KCNJ12: variants seen among roughly 807,000 people sequenced by gnomAD.
KCNJ12 encodes potassium inwardly rectifying channel subfamily J member 12.
Under a neutral mutation model 22.3 loss-of-function variants are expected in KCNJ12, and 2 were observed. That is an observed-to-expected ratio of 0.09 (90% confidence interval 0.04 to 0.28). The LOEUF is 0.28. Among genes scored for constraint, KCNJ12 ranks in the 10% least tolerant of loss-of-function variants. The probability of loss-of-function intolerance (pLI) is 1.00; values close to 1 mark genes in which losing one functional copy is unlikely to be tolerated. For missense variants in KCNJ12, 155 were observed against 633.3 expected (o/e 0.24, Z 8.11); for synonymous variants, 117 against 261.4 (o/e 0.45, Z 5.33).
intron 1 of KCNJ12, among the ~76,000 whole-genome samples, chr17:21,384,594 C>T (rs991181920): frequency 1.3e-5 from 2 of 152,078 alleles, no homozygotes; most frequent in South Asian, 2.1e-4. Context: ...CGCTGGAGCT[C>T]GGAGGGGAGG....
At chr17:21,405,875 G>T (rs74703657) in intron 1 of KCNJ12, among the ~76,000 whole-genome samples, 10 of 152,424 alleles carry the variant, frequency 6.6e-5, no homozygotes, top group African/African-American at 1.9e-4. Flanking sequence ...CTTCAGGAAA[G>T]TCTCTTCTCT....
At chr17:21,401,334 C>A (rs1409286349) in intron 1 of KCNJ12, among the ~76,000 whole-genome samples, 1 of 152,274 alleles carries the variant, frequency 6.6e-6, no homozygotes, top group Non-Finnish European at 1.5e-5. Context: ...AATGCCCAGG[C>A]CAGGCATTGT....
chr17:21,414,934 G>C (rs59687706), intron 2 of KCNJ12, among the ~76,000 whole-genome samples: 34 of 152,296 alleles, frequency 2.2e-4, no homozygotes, highest in Middle Eastern at 3.4e-3. Context: ...GGGGGGCCAT[G>C]GGCAGAGGCA....
Position 21,379,407 on chromosome 17 carries a change from C to T in KCNJ12, c.-179+2494C>T, listed in dbSNP as rs539644563. 5.2e-3 allele frequency among the ~76,000 whole-genome samples: 790 copies of T among 152,350 alleles called. 5 individuals are homozygous for T. The highest frequency in any genetic ancestry group is 0.017 in the African/African-American group (703 of 41,584). On this transcript the variant is annotated intron_variant, in intron 1 of 2. Transcript: ENST00000583088. ...CCACCCAGTGGCCACCCTCACCCCC[C>T]CTGCTCCCAGGCCCAGCTCTGGGCT...
At chr17:21,379,012 G>C (rs1325708841) in intron 1 of KCNJ12, among the ~76,000 whole-genome samples, 1 of 152,198 alleles carries the variant, frequency 6.6e-6, no homozygotes, top group Non-Finnish European at 1.5e-5. Flanking sequence ...GCTCTTTCCA[G>C]GCCAGGCGCT....
At chr17:21,388,346 C>A (rs1905128253) in intron 1 of KCNJ12, among the ~76,000 whole-genome samples, 1 of 152,200 alleles carries the variant, frequency 6.6e-6, no homozygotes, top group African/African-American at 2.4e-5. Flanking sequence ...GCGTTCTTGC[C>A]TGCGCGTGGA....
At chr17:21,395,863 G>A (rs2057818351) in intron 1 of KCNJ12, among the ~76,000 whole-genome samples, 1 of 152,214 alleles carries the variant, frequency 6.6e-6, no homozygotes, top group Non-Finnish European at 1.5e-5. Context: ...TTGGGGTTCA[G>A]CTGAGGCAGA....
intron 2 of KCNJ12, 105 bp from the exon 3 acceptor site, chr17:21,415,182 A>G: frequency 1.6e-6 from 2 of 1,226,798 alleles, no homozygotes; most frequent in Non-Finnish European, 2.3e-6. Context: ...ATCGTGGGTC[A>G]ATCAGGGTGG....
At chr17:21,394,103 T>A (rs2142056409) in intron 1 of KCNJ12, among the ~76,000 whole-genome samples, 1 of 152,316 alleles carries the variant, frequency 6.6e-6, no homozygotes, top group East Asian at 1.9e-4. Flanking sequence ...AATTATAATA[T>A]CTATCTCGTG....
At chr17:21,411,377 C>T (rs1164586573) in intron 2 of KCNJ12, among the ~76,000 whole-genome samples, 17 of 152,378 alleles carry the variant, frequency 1.1e-4, no homozygotes, top group African/African-American at 2.2e-4. Context: ...CAGGGATCTC[C>T]GGGGGTCTGC....
Position 21,416,840 on chromosome 17 carries a change from G to C in KCNJ12, c.*196G>C. ...GGGGCAGCCAGAGCGGCAGCCCCCGGCCTCAGAGGCTATCACAGGCTCAGG... is the reference window on the plus strand; with the variant it reads ...GGGGCAGCCAGAGCGGCAGCCCCCGCCCTCAGAGGCTATCACAGGCTCAGG... On this transcript the variant is annotated 3_prime_UTR_variant, in exon 3 of 3. Transcript: ENST00000583088. 1 of 933,312 alleles carries C rather than the reference G, an allele frequency of 1.1e-6. No homozygotes were observed. 57.8% of individuals were successfully genotyped at this position (933,312 alleles called of 1,614,324 possible).
Position 21,415,663 on chromosome 17 carries a change from G to A in KCNJ12, c.321G>A (p.Val107=), listed in dbSNP as rs1306697274. ...LFGIIFWVIA[V]AHGDLEPAEG... ...GCATCATCTTCTGGGTCATCGCGGT[G>A]GCACACGGTGACCTGGAGCCGGCTG... is the stretch of plus-strand genomic sequence containing the variant. The change falls in exon 3 of 3, where the codon GTG becomes GTA. Residue 107 remains valine, a synonymous_variant. Transcript: ENST00000583088. 1.2e-6 allele frequency: 2 copies of A among 1,613,266 alleles called. No homozygotes were observed. Among genetic ancestry groups the A allele is most frequent in the African/African-American group, 2.7e-5 (2 of 74,958 alleles).
chr17:21,378,164 TGGCCGCGC>T (rs1904734594), intron 1 of KCNJ12, among the ~76,000 whole-genome samples: 1 of 152,218 alleles, frequency 6.6e-6, no homozygotes. Flanking sequence ...AGCCGGTCCC[TGGCCGCGC>T]GGCTGGACCC....
intron 1 of KCNJ12, among the ~76,000 whole-genome samples, chr17:21,391,573 G>A (rs1395477958): frequency 2.0e-5 from 3 of 152,218 alleles, no homozygotes; most frequent in Admixed American, 6.5e-5. Flanking sequence ...ACTGCCTTGC[G>A]GCGCTCCGCC....
intron 2 of KCNJ12, among the ~76,000 whole-genome samples, chr17:21,414,345 G>A (rs1312448918): frequency 1.3e-5 from 2 of 152,268 alleles, no homozygotes; most frequent in African/African-American, 4.8e-5. Context: ...TGTGGTGGCG[G>A]GCACCTATAA....
chr17:21,409,234 A>C (rs1407773970), intron 2 of KCNJ12, among the ~76,000 whole-genome samples: 1 of 152,312 alleles, frequency 6.6e-6, no homozygotes, highest in African/African-American at 2.4e-5. Flanking sequence ...AAAGGGGGCC[A>C]GGGGAGGAGG....
intron 2 of KCNJ12, among the ~76,000 whole-genome samples, chr17:21,413,749 G>T (rs554041486): frequency 6.6e-6 from 1 of 152,304 alleles, no homozygotes; most frequent in African/African-American, 2.4e-5. Flanking sequence ...CACGTCAGTG[G>T]CTGAGAGCAG....
In KCNJ12 at chr17:21,411,853, A is replaced by T. The variant is rs1657725; in HGVS notation, c.-57+3213A>T. Among the ~76,000 whole-genome samples, 13 of 152,412 alleles carry T rather than the reference A, an allele frequency of 8.5e-5. No homozygotes were observed. In the South Asian group the frequency reaches 2.7e-3, roughly 32 times the overall value. Reference sequence around the variant, plus strand: ...CTTGAAGGCCGCATGGTTGTGTAACATCTTGCCACACCTGTGTTTACGCAG... The same window carrying T: ...CTTGAAGGCCGCATGGTTGTGTAACTTCTTGCCACACCTGTGTTTACGCAG... On this transcript the variant is annotated intron_variant, in intron 2 of 2. Transcript: ENST00000583088.
chr17:21,406,695 G>A (rs1205409351), intron 1 of KCNJ12, among the ~76,000 whole-genome samples: 2 of 152,302 alleles, frequency 1.3e-5, no homozygotes, highest in Admixed American at 6.5e-5. Flanking sequence ...AGGTCTGTGT[G>A]CCTCTAAACC....
Sources: allele counts gnomAD v4.1 joint callset (sites outside exome capture counted in the v4.1 genomes callset), GRCh38; gene constraint gnomAD v4.1.1; transcripts MANE v1.5; gene names NCBI Gene and HGNC (gene_info 2026-07-23, HGNC 2026-07-21).